The following COPA variants were observed in gnomAD, a reference collection of about 807,000 sequenced individuals.
COPA encodes coat protein complex I subunit alpha.
A neutral mutation model predicts 158.7 loss-of-function variants in COPA; 10 were observed. That is an observed-to-expected ratio of 0.06 (90% CI 0.04 to 0.11). The LOEUF is 0.11. Ranked by LOEUF, COPA falls within the 10% of genes least tolerant of loss-of-function variation. COPA has a pLI of 1.00. For synonymous variants in COPA, 462 were observed against 542.8 expected (o/e 0.85, Z 2.07); for missense variants, 1,065 against 1,536.7 (o/e 0.69, Z 5.13).
intron 8 of COPA, among the ~76,000 whole-genome samples, chr1:160,315,602 G>A (rs1659106717): frequency 6.6e-6 from 1 of 152,196 alleles, no homozygotes; most frequent in South Asian, 2.1e-4. Context: ...AGCCAAAGAG[G>A]AGGAAGTGAC....
intron 9 of COPA, 124 bp from the exon 10 acceptor site, chr1:160,313,291 A>G (rs561875655): frequency 5.1e-6 from 4 of 777,948 alleles, no homozygotes; most frequent in Non-Finnish European, 6.4e-6. Flanking sequence ...AGTAAACTGC[A>G]TATCCTAAGT....
Position 160,332,438 on chromosome 1 carries a change from G to A in COPA, c.496+10C>T. The A allele has an allele frequency of 1.3e-6, 2 of 1,596,482 alleles. No individual in the cohort carries two copies. The highest frequency in any genetic ancestry group is 1.7e-6 in the Non-Finnish European group (2 of 1,170,542). ...ATGACCAGGTTGTCCTCTGAACTTGGGCAGCTCACCAGAAATATCCCAAAC... is the reference window on the plus strand; with the variant it reads ...ATGACCAGGTTGTCCTCTGAACTTGAGCAGCTCACCAGAAATATCCCAAAC... On this transcript the variant is annotated intron_variant, in intron 6 of 32. Transcript: ENST00000241704.
chr1:160,302,031 G>C (rs965797003), intron 17 of COPA, among the ~76,000 whole-genome samples: 10 of 152,098 alleles, frequency 6.6e-5, no homozygotes, highest in African/African-American at 2.4e-4. Context: ...CATTGCTGGA[G>C]ATCCTAGTCA....
chr1:160,290,594 T>C lies in COPA; in HGVS notation c.3513A>G (p.Ala1171=), dbSNP rs768767888. 1 of 1,614,062 alleles carries C rather than the reference T, an allele frequency of 6.2e-7. No homozygotes were observed. The highest frequency in any genetic ancestry group is 1.1e-5 in the South Asian group (1 of 91,090). Reference sequence around the variant, plus strand: ...TTCCACGGTAGATGGGCCGATATGATGCAGCACAAATGTCAAAGGGGTTGT... The same window carrying C: ...TTCCACGGTAGATGGGCCGATATGACGCAGCACAAATGTCAAAGGGGTTGT... The part of the protein sequence containing the change: ...DMHNPFDICA[A]SYRPIYRGKP... Residue 1171 remains alanine (A), a synonymous_variant, in exon 32 of 33, where the codon GCA becomes GCG. Transcript: ENST00000241704.
In COPA at chr1:160,337,580, T is replaced by G. The variant is rs1977816; in HGVS notation, c.229-2258A>C. Among the ~76,000 whole-genome samples, 909 of 152,070 alleles carry G rather than the reference T, an allele frequency of 6.0e-3. 13 individuals are homozygous for G. The highest frequency in any genetic ancestry group is 0.021 in the African/African-American group (863 of 41,494). On this transcript the variant is annotated intron_variant, in intron 3 of 32. Coordinates refer to ENST00000241704, the MANE Select transcript of COPA (RefSeq NM_004371.4). ...ACTAAAAATACAAAATTAGCCGGGC[T>G]TGGTGGCGCATGCCTGTAATTCCAG...
At chr1:160,319,914 C>CAAA (rs80269064) in intron 8 of COPA, among the ~76,000 whole-genome samples, 24 of 75,562 alleles carry the variant, frequency 3.2e-4, no homozygotes, top group African/African-American at 1.1e-3. Flanking sequence ...ACACCTATGT[C>CAAA]AAAAAAAAAA....
At chr1:160,324,660 T>G (rs1038288173) in intron 7 of COPA, among the ~76,000 whole-genome samples, 1 of 152,136 alleles carries the variant, frequency 6.6e-6, no homozygotes, top group Non-Finnish European at 1.5e-5. Context: ...GCACATGATA[T>G]GTGATATCAT....
intron 8 of COPA, among the ~76,000 whole-genome samples, chr1:160,314,866 G>A (rs750132080): frequency 1.3e-4 from 20 of 151,968 alleles, no homozygotes; most frequent in Non-Finnish European, 2.4e-4. Context: ...TACAAAGGAG[G>A]TACTCAATAA....
intron 19 of COPA, among the ~76,000 whole-genome samples, chr1:160,298,222 T>C (rs191862091): frequency 4.3e-4 from 65 of 150,826 alleles, no homozygotes; most frequent in African/African-American, 1.5e-3. Flanking sequence ...AGTGAACACA[T>C]AGGACCCCTT....
At chr1:160,333,765 C>T in intron 4 of COPA, 86 bp from the exon 5 acceptor site, 4 of 1,033,756 alleles carry the variant, frequency 3.9e-6, no homozygotes, top group Non-Finnish European at 5.8e-6. Context: ...TAAAGAACTG[C>T]ATTGCTTAAC....
chr1:160,295,957 T>G, intron 22 of COPA, 98 bp from the exon 23 acceptor site: 1 of 1,578,902 alleles, frequency 6.3e-7, no homozygotes, highest in Non-Finnish European at 8.6e-7. Context: ...TTTCTCTGCC[T>G]CTCCTGGTAA....
chr1:160,313,311 C>T lies in COPA; in HGVS notation c.843-144G>A, dbSNP rs544230390. On this transcript the variant is annotated intron_variant, in intron 9 of 32. Coordinates refer to ENST00000241704, the MANE Select transcript of COPA (RefSeq NM_004371.4). Reference sequence around the variant, plus strand: ...ACTGCATATCCTAAGTAACAGTAGTCGTGATAAATTCTACCAAGGAACAAA... The same window carrying T: ...ACTGCATATCCTAAGTAACAGTAGTTGTGATAAATTCTACCAAGGAACAAA... The T allele has an allele frequency of 1.5e-4, 97 of 666,796 alleles. 1 individual carries two copies. In the South Asian group the frequency reaches 1.6e-3, roughly 11 times the overall value. The allele number at this position is 666,796 out of a possible 1,614,324, so 41.3% of individuals were successfully genotyped here.
intron 13 of COPA, among the ~76,000 whole-genome samples, chr1:160,307,575 A>T (rs1658831097): frequency 6.6e-6 from 1 of 152,260 alleles, no homozygotes; most frequent in Non-Finnish European, 1.5e-5. Flanking sequence ...TCCCTGGCCA[A>T]GCTGCGGCAA....
chr1:160,332,630 C>T, intron 5 of COPA, 73 bp from the exon 6 acceptor site: 1 of 1,033,274 alleles, frequency 9.7e-7, no homozygotes, highest in African/African-American at 1.6e-5. Context: ...ATACCTTTCT[C>T]CATATTCAAT....
chr1:160,329,427 T>C (rs1647402494), intron 6 of COPA, among the ~76,000 whole-genome samples: 1 of 152,128 alleles, frequency 6.6e-6, no homozygotes, highest in Non-Finnish European at 1.5e-5. Flanking sequence ...CTCTCTTCTC[T>C]GATCTAGGGC....
At position 160,293,138 on chromosome 1, in the gene COPA, C is replaced by T. The variant is rs781665205; in HGVS notation, c.2823+28G>A. 9.3e-6 allele frequency: 15 copies of T among 1,613,076 alleles called. No homozygotes were observed. In the South Asian group the frequency reaches 1.6e-4, roughly 18 times the overall value. On this transcript the variant is annotated intron_variant, in intron 27 of 32. Transcript: ENST00000241704. Reference sequence around the variant, plus strand: ...TCCCGGGGACCCTGGGCTAGGCACACTCAAGAGGAAAAGCCAAGGTTACTT... The same window carrying T: ...TCCCGGGGACCCTGGGCTAGGCACATTCAAGAGGAAAAGCCAAGGTTACTT...
intron 19 of COPA, among the ~76,000 whole-genome samples, chr1:160,298,057 T>C (rs1431935619): frequency 6.6e-6 from 1 of 151,990 alleles, no homozygotes; most frequent in African/African-American, 2.4e-5. Context: ...GGTGCACGCC[T>C]GTAGTCCCAC....
Position 160,343,247 on chromosome 1 carries a change from C to G in COPA, c.-77G>C. On this transcript the variant is annotated 5_prime_UTR_variant, in exon 1 of 33. Coordinates refer to ENST00000241704, the MANE Select transcript of COPA (RefSeq NM_004371.4). The stretch of plus-strand genomic sequence containing the variant: ...TGCCCTTCGGACGCCTCCACGTCAG[C>G]GACCCTCTCCCGCGGTTTCCGGAAG... 6.3e-7 allele frequency: 1 copy of G among 1,596,766 alleles called. No homozygotes were observed. The highest frequency in any genetic ancestry group is 8.6e-7 in the Non-Finnish European group (1 of 1,164,288).
In COPA at chr1:160,290,236, G is replaced by C. The variant is rs369317260; in HGVS notation, c.3616-20C>G. The C allele has an allele frequency of 5.7e-5, 92 of 1,613,666 alleles. No homozygotes were observed. The African/African-American group carries it at 8.5e-4, about 15-fold the overall frequency. ...TGTCACCTGTGGAAAAACAAACAAAGGAACAAGTTAGAGATTTGTAAGATT... is the reference window on the plus strand; with the variant it reads ...TGTCACCTGTGGAAAAACAAACAAACGAACAAGTTAGAGATTTGTAAGATT... On this transcript the variant is annotated intron_variant, in intron 32 of 32. Transcript: ENST00000241704.
Sources: allele counts gnomAD v4.1 joint callset (sites outside exome capture counted in the v4.1 genomes callset), GRCh38; gene constraint gnomAD v4.1.1; transcripts MANE v1.5; gene names NCBI Gene and HGNC (gene_info 2026-07-23, HGNC 2026-07-21).